MCM5: variants seen among roughly 807,000 people sequenced by gnomAD.
The protein encoded by MCM5 is DNA replication licensing factor MCM5.
In MCM5, 46 loss-of-function variants were observed where a neutral mutation model predicts 79.9. That is an observed-to-expected ratio of 0.58 (90% confidence interval 0.45 to 0.74). The LOEUF is 0.74. Ranked by LOEUF, MCM5 falls within the 30% of genes least tolerant of loss-of-function variation. The pLI is 0.00. For synonymous variants in MCM5, 404 were observed against 390.5 expected (o/e 1.03, Z -0.41); for missense variants, 883 against 1,017.0 (o/e 0.87, Z 1.79).
downstream of MCM5, among the ~76,000 whole-genome samples, chr22:35,430,018 G>T (rs1307565753): frequency 6.6e-6 from 1 of 152,186 alleles, no homozygotes; most frequent in Non-Finnish European, 1.5e-5. Flanking sequence ...TGCATCCCAG[G>T]AGCCCCTTCA....
chr22:35,416,577 G>A (rs775186739), intron 11 of MCM5, 61 bp from the exon 12 acceptor site: 34 of 1,050,198 alleles, frequency 3.2e-5, no homozygotes, highest in Non-Finnish European at 4.0e-5. Context: ...GTGTGTAAAC[G>A]TGTATATAAG....
At position 35,416,786 on chromosome 22, in the gene MCM5, A is replaced by G. The variant is rs767551352; in HGVS notation, c.1562A>G (p.Lys521Arg). 6.8e-6 allele frequency: 11 copies of G among 1,614,082 alleles called. No individual in the cohort carries two copies. Among genetic ancestry groups the G allele is most frequent in the African/African-American group, 2.7e-5 (2 of 75,046 alleles). Residue 521 changes from lysine (K) to arginine (R), a missense_variant, in exon 12 of 17, where the codon AAG (lysine) becomes AGG (arginine). Physicochemically the swap from Lys to Arg is conservative, Grantham distance 26 (BLOSUM62 2). Around this residue, in one of 3 missense-constraint regions of MCM5, gnomAD observed 426 missense variants for 482.3 expected, o/e 0.88. Coordinates refer to ENST00000216122, the MANE Select transcript of MCM5 (RefSeq NM_006739.4). ...LSRFDMIFIV[K>R]DEHNEERDVM... is the part of the protein sequence containing the mutation. ...CGCTTCGACATGATCTTCATCGTCA[A>G]GGATGAGCACAATGAGGAGAGGGAT... is the stretch of plus-strand genomic sequence containing the variant.
chr22:35,400,580 C>T lies in MCM5; in HGVS notation c.142C>T (p.Arg48Cys). Residue 48 changes from arginine to cysteine, a missense_variant, in exon 2 of 17, where the codon CGC becomes TGC. Physicochemically the swap from Arg to Cys is radical, Grantham distance 180 (BLOSUM62 -3). Transcript: ENST00000216122. ...GCGGCAGTACCGAGTGGGCACCGAC[C>T]GCACGGGCTTCACCTTCAAATACAG... Reference protein sequence around the residue: ...FLRQYRVGTDRTGFTFKYRDE... With the variant: ...FLRQYRVGTDCTGFTFKYRDE... 1 of 1,612,680 alleles carries T rather than the reference C, an allele frequency of 6.2e-7. No homozygotes were observed. Among genetic ancestry groups the T allele is most frequent in the Non-Finnish European group, 8.5e-7 (1 of 1,179,278 alleles).
At chr22:35,442,879 A>T in the MCM5 span, among the ~76,000 whole-genome samples, 1 of 152,050 alleles carries the variant, frequency 6.6e-6, no homozygotes, top group Non-Finnish European at 1.5e-5. Context: ...TTTGTTTCCC[A>T]TTGGGTTTGC....
At chr22:35,402,931 T>C (rs1227320297) in intron 2 of MCM5, among the ~76,000 whole-genome samples, 2 of 152,352 alleles carry the variant, frequency 1.3e-5, no homozygotes, top group East Asian at 3.9e-4. Flanking sequence ...TTTGTTGTTT[T>C]GTGCACGCTG....
At chr22:35,432,313 G>A in the MCM5 span, among the ~76,000 whole-genome samples, 3 of 152,214 alleles carry the variant, frequency 2.0e-5, no homozygotes. Flanking sequence ...GGACCCCATG[G>A]AGGCCTGGTG....
intron 6 of MCM5, chr22:35,409,413 A>G (rs1932311233): frequency 6.6e-6 from 1 of 152,256 alleles, no homozygotes; most frequent in African/African-American, 2.4e-5. Context: ...GTATCTAAAA[A>G]AAAAAAATTT....
downstream of MCM5, among the ~76,000 whole-genome samples, chr22:35,427,236 A>G (rs1932784154): frequency 2.0e-5 from 3 of 152,256 alleles, no homozygotes; most frequent in East Asian, 5.8e-4. Flanking sequence ...CAAAGGCTAT[A>G]TCCAATTTAG....
the MCM5 span, among the ~76,000 whole-genome samples, chr22:35,433,267 C>T: frequency 6.6e-6 from 1 of 152,156 alleles, no homozygotes; most frequent in African/African-American, 2.4e-5. Context: ...AGAACTTCAA[C>T]CCTTGGAGCC....
the MCM5 span, among the ~76,000 whole-genome samples, chr22:35,453,038 C>G: frequency 6.6e-6 from 1 of 152,098 alleles, no homozygotes; most frequent in Non-Finnish European, 1.5e-5. Flanking sequence ...GCTATCTGTG[C>G]AGCTCAGGGG....
At chr22:35,423,129 G>T in intron 15 of MCM5, 85 bp from the exon 16 acceptor site, 6 of 1,433,204 alleles carry the variant, frequency 4.2e-6, no homozygotes, top group Non-Finnish European at 5.6e-6. Context: ...GGCTCAGGCT[G>T]TTCTTCCTTG....
chr22:35,444,019 T>C, the MCM5 span, among the ~76,000 whole-genome samples: 2 of 152,146 alleles, frequency 1.3e-5, no homozygotes, highest in African/African-American at 4.8e-5. Flanking sequence ...CCTTTTGTCA[T>C]GGCTTTGATG....
chr22:35,423,294 G>T lies in MCM5; in HGVS notation c.2056G>T (p.Gly686Cys). 1 of 1,608,874 alleles carries T rather than the reference G, an allele frequency of 6.2e-7. No individual in the cohort carries two copies. Among genetic ancestry groups the T allele is most frequent in the Non-Finnish European group, 8.5e-7 (1 of 1,176,846 alleles). The change falls in exon 16 of 17, where the codon GGC (glycine) becomes TGC (cysteine). Residue 686 changes from glycine (G) to cysteine (C), a missense_variant. Gly to Cys is a radical substitution (Grantham distance 159, BLOSUM62 -3). This residue lies in a region of MCM5 where 426 missense variants were observed against 482.3 expected (regional missense o/e 0.88). Transcript: ENST00000216122. ...GCAGCTCAAGCGCCGCTTTGCCATTGGCTCCCAGGTGTCTGAGCACAGCAT... is the reference window on the plus strand; with the variant it reads ...GCAGCTCAAGCGCCGCTTTGCCATTTGCTCCCAGGTGTCTGAGCACAGCAT... ...EKQLKRRFAI[G>C]SQVSEHSIIK...
At chr22:35,421,785 T>C in intron 15 of MCM5, 1 of 389,464 alleles carries the variant, frequency 2.6e-6, no homozygotes. Context: ...TTTCAGTGCT[T>C]CCAGAGTTAT....
At chr22:35,413,360 A>G (rs1312168890) in intron 8 of MCM5, among the ~76,000 whole-genome samples, 1 of 152,126 alleles carries the variant, frequency 6.6e-6, no homozygotes, top group Admixed American at 6.5e-5. Flanking sequence ...GCATTCTTCT[A>G]AGTGCTTTAT....
rs1315608604 is a variant in MCM5 at position 35,400,418 on chromosome 22, G to T, written c.-8-13G>T. ...TGCCCCCAGCCTGTTCTGGCCGTTTGTTCCCACCCCAGGCGCAGTCATGTC... is the reference window on the plus strand; with the variant it reads ...TGCCCCCAGCCTGTTCTGGCCGTTTTTTCCCACCCCAGGCGCAGTCATGTC... On this transcript the variant is annotated splice_polypyrimidine_tract_variant and intron_variant, in intron 1 of 16. Coordinates refer to ENST00000216122, the MANE Select transcript of MCM5 (RefSeq NM_006739.4). The T allele has an allele frequency of 1.6e-5, 26 of 1,613,866 alleles. No individual in the cohort carries two copies. Among genetic ancestry groups the T allele is most frequent in the Non-Finnish European group, 2.1e-5 (25 of 1,179,930 alleles).
chr22:35,412,511 C>T lies in MCM5; in HGVS notation c.921C>T (p.Gly307=). 6.5e-7 allele frequency: 1 copy of T among 1,546,386 alleles called. No individual in the cohort carries two copies. The change falls in exon 8 of 17, where the codon GGC becomes GGT. Residue 307 remains glycine, a splice_region_variant and synonymous_variant. Transcript: ENST00000216122. ...LGIQVDTDGS[G]RSFAGAVSPQ... ...CATGCGCCTGCTTTGCCTACCAAGG[C>T]CGCAGCTTTGCTGGGGCCGTGAGCC...
chr22:35,421,033 T>C (rs927967372), intron 14 of MCM5, among the ~76,000 whole-genome samples: 1 of 144,222 alleles, frequency 6.9e-6, no homozygotes, highest in African/African-American at 2.6e-5. Flanking sequence ...GTGGCTGAGG[T>C]GGAAGGATCA....
rs2145786239 is a variant in MCM5, at chr22:35,406,571, C to T, written c.442C>T (p.Leu148=). The change falls in exon 5 of 17, where the codon CTG becomes TTG. Residue 148 remains leucine (L), a synonymous_variant. Coordinates refer to ENST00000216122, the MANE Select transcript of MCM5 (RefSeq NM_006739.4). ...RSLKSDMMSH[L]VKIPGIIIAA... Reference sequence around the variant, plus strand: ...ATTACAGTCGGACATGATGTCACACCTGGTGAAGATCCCTGGCATCATCAT... The same window carrying T: ...ATTACAGTCGGACATGATGTCACACTTGGTGAAGATCCCTGGCATCATCAT... 1 of 1,613,728 alleles carries T rather than the reference C, an allele frequency of 6.2e-7. No individual in the cohort carries two copies. The highest frequency in any genetic ancestry group is 1.3e-5 in the African/African-American group (1 of 75,058).
Sources: allele counts gnomAD v4.1 joint callset (sites outside exome capture counted in the v4.1 genomes callset), GRCh38; gene constraint gnomAD v4.1.1; regional missense constraint gnomAD v4.1.1; transcripts MANE v1.5; gene names NCBI Gene and HGNC (gene_info 2026-07-23, HGNC 2026-07-21).